Variants in GRIK1 observed in about 807,000 individuals in gnomAD.
The protein encoded by GRIK1 is glutamate ionotropic receptor kainate type subunit 1, also known as glutamate receptor ionotropic, kainate 1.
Under a neutral mutation model 105.7 loss-of-function variants are expected in GRIK1, and 69 were observed. The ratio of observed to expected loss-of-function variants is 0.65; its 90% CI spans 0.54 to 0.80. The LOEUF (loss-of-function observed/expected upper bound fraction) is 0.80, where lower values mean the gene tolerates loss of function less well. GRIK1 is among the 30% of genes least tolerant of loss of function. The pLI, the probability that GRIK1 is intolerant of heterozygous loss-of-function variation, is 0.00. For synonymous variants in GRIK1, 438 were observed against 431.3 expected (o/e 1.02, Z -0.19); for missense variants, 1,109 against 1,167.3 (o/e 0.95, Z 0.73).
intron 9 of GRIK1, 55 bp downstream of exon 9, chr21:29,596,471 A>G (rs751144777): frequency 8.3e-6 from 10 of 1,199,118 alleles, no homozygotes; most frequent in Admixed American, 3.4e-5. Flanking sequence ...GGCCTTTCCA[A>G]TGACATTCCC....
chr21:29,608,659 C>T (rs1029215863), intron 7 of GRIK1, among the ~76,000 whole-genome samples: 1 of 152,110 alleles, frequency 6.6e-6, no homozygotes, highest in African/African-American at 2.4e-5. Context: ...CCATCATCAA[C>T]ACGTGGTTTC....
intron 4 of GRIK1, among the ~76,000 whole-genome samples, chr21:29,659,994 C>G (rs1054543210): frequency 6.6e-6 from 1 of 151,944 alleles, no homozygotes; most frequent in Non-Finnish European, 1.5e-5. Context: ...AACCCAACAA[C>G]AACAACAACA....
intron 1 of GRIK1, among the ~76,000 whole-genome samples, chr21:29,704,793 G>T (rs1158166728): frequency 1.3e-5 from 2 of 152,144 alleles, no homozygotes; most frequent in Admixed American, 1.3e-4. Context: ...CACTTTCAAA[G>T]CATACTTTTC....
chr21:29,822,682 G>A (rs2067337815), intron 1 of GRIK1, among the ~76,000 whole-genome samples: 1 of 151,944 alleles, frequency 6.6e-6, no homozygotes, highest in African/African-American at 2.4e-5. Context: ...TGGAGTTCCA[G>A]CAGTTACCTT....
chr21:29,781,772 G>A (rs1044216206), intron 1 of GRIK1, among the ~76,000 whole-genome samples: 23 of 137,136 alleles, frequency 1.7e-4, no homozygotes, highest in Non-Finnish European at 2.7e-4. Context: ...CCGGGTTCAC[G>A]CCATTCTCCT....
intron 1 of GRIK1, among the ~76,000 whole-genome samples, chr21:29,813,666 G>A (rs2067072387): frequency 6.6e-6 from 1 of 152,090 alleles, no homozygotes; most frequent in South Asian, 2.1e-4. Flanking sequence ...ATTCAATATA[G>A]TTTACATATT....
intron 7 of GRIK1, among the ~76,000 whole-genome samples, chr21:29,618,628 C>T (rs764507462): frequency 7.2e-5 from 11 of 152,022 alleles, no homozygotes; most frequent in Admixed American, 2.0e-4. Context: ...CATCAATCAA[C>T]GAGTGAATAA....
At chr21:29,923,353 G>A (rs1179463452) in intron 1 of GRIK1, among the ~76,000 whole-genome samples, 1 of 152,160 alleles carries the variant, frequency 6.6e-6, no homozygotes, top group African/African-American at 2.4e-5. Context: ...GTTTGAAAGA[G>A]AGAAAACTAG....
At chr21:29,744,768 T>C (rs577419646) in intron 1 of GRIK1, among the ~76,000 whole-genome samples, 1 of 152,224 alleles carries the variant, frequency 6.6e-6, no homozygotes, top group East Asian at 1.9e-4. Flanking sequence ...TGTGGTGTGT[T>C]GTAATTACCT....
intron 1 of GRIK1, among the ~76,000 whole-genome samples, chr21:29,727,059 C>T (rs145761705): frequency 7.2e-5 from 11 of 152,088 alleles, no homozygotes; most frequent in Non-Finnish European, 1.0e-4. Context: ...CCTCAGATTC[C>T]GAGTAGTTAG....
At chr21:29,659,407 C>T (rs2146593432) in intron 4 of GRIK1, among the ~76,000 whole-genome samples, 1 of 152,228 alleles carries the variant, frequency 6.6e-6, no homozygotes, top group South Asian at 2.1e-4. Context: ...TACATTGTTA[C>T]AGAATTAATT....
At chr21:29,664,861 C>T (rs9917503) in intron 4 of GRIK1, among the ~76,000 whole-genome samples, 2,740 of 152,220 alleles carry the variant, frequency 0.018, 36 homozygotes, top group South Asian at 0.035. Context: ...CTACAAACCC[C>T]TTTCCACAAA....
intron 1 of GRIK1, among the ~76,000 whole-genome samples, chr21:29,914,819 C>CA (rs1021335847): frequency 2.0e-5 from 3 of 151,350 alleles, no homozygotes; most frequent in South Asian, 2.1e-4. Flanking sequence ...TTTGTGGGTG[C>CA]AAAAAAAATA....
At chr21:29,756,851 C>T (rs914064420) in intron 1 of GRIK1, among the ~76,000 whole-genome samples, 3 of 152,150 alleles carry the variant, frequency 2.0e-5, no homozygotes, top group Non-Finnish European at 4.4e-5. Context: ...CGGTGGCTCA[C>T]ACCTGTAATC....
chr21:29,842,462 A>G (rs990064600), intron 1 of GRIK1, among the ~76,000 whole-genome samples: 2 of 152,338 alleles, frequency 1.3e-5, no homozygotes, highest in East Asian at 3.9e-4. Flanking sequence ...CTGAAGGCTT[A>G]CTAGAAATTT....
intron 3 of GRIK1, among the ~76,000 whole-genome samples, chr21:29,674,139 G>A (rs1433217038): frequency 6.6e-6 from 1 of 151,602 alleles, no homozygotes; most frequent in Non-Finnish European, 1.5e-5. Flanking sequence ...GTAATCAGTA[G>A]GGAATATTAA....
chr21:29,639,154 AAC>A (rs891846863), intron 7 of GRIK1, among the ~76,000 whole-genome samples: 5 of 152,210 alleles, frequency 3.3e-5, no homozygotes, highest in Admixed American at 3.3e-4. Flanking sequence ...GATTTTTATG[AAC>A]ACAGTGTGTC....
intron 1 of GRIK1, among the ~76,000 whole-genome samples, chr21:29,874,122 C>T (rs539582181): frequency 3.9e-4 from 59 of 152,298 alleles, no homozygotes; most frequent in Non-Finnish European, 7.1e-4. Context: ...GCCTGCCACT[C>T]ACTGAGGCCC....
chr21:29,808,827 G>A (rs1385294837), intron 1 of GRIK1, among the ~76,000 whole-genome samples: 1 of 152,112 alleles, frequency 6.6e-6, no homozygotes, highest in Admixed American at 6.6e-5. Context: ...AGCCCCCCAT[G>A]TTTGTGAGGG....
Sources: gnomAD v4.1 joint callset for allele counts (sites outside exome capture counted in the v4.1 genomes callset) on GRCh38, gnomAD v4.1.1 for gene constraint, MANE v1.5 for transcripts, NCBI Gene and HGNC (gene_info 2026-07-23, HGNC 2026-07-21) for gene names.